MRPL34: variants seen among roughly 807,000 people sequenced by gnomAD.
MRPL34 encodes the protein large ribosomal subunit protein bL34m.
A neutral mutation model predicts 6.7 loss-of-function variants in MRPL34; 8 were observed. That is an observed-to-expected ratio of 1.20 (90% CI 0.70 to 2.16). The LOEUF (loss-of-function observed/expected upper bound fraction) is 2.16, where lower values mean the gene tolerates loss of function less well. MRPL34 is among the 30% of genes most tolerant of loss of function. The pLI is 0.00. For synonymous variants in MRPL34, 59 were observed against 55.1 expected (o/e 1.07, Z -0.31); for missense variants, 146 against 125.5 (o/e 1.16, Z -0.78).
chr19:17,305,567 C>A (rs545943004), upstream of MRPL34: 1,011 of 323,760 alleles, frequency 3.1e-3, 6 homozygotes, highest in Non-Finnish European at 4.7e-3. Context: ...CCGCGGGGCA[C>A]CCTCTGCCGG....
chr19:17,294,290 C>T (rs749002268), intron 1 of MRPL34: 1 of 1,601,658 alleles, frequency 6.2e-7, no homozygotes, highest in South Asian at 1.1e-5. Flanking sequence ...GCCTCTACCT[C>T]GGCCATGCGC....
intron 1 of MRPL34, chr19:17,294,143 A>G: frequency 2.1e-6 from 2 of 958,840 alleles, no homozygotes; most frequent in Non-Finnish European, 3.0e-6. Context: ...TACAGCAACT[A>G]GAGGCCACGC....
upstream of MRPL34, among the ~76,000 whole-genome samples, chr19:17,299,936 G>A (rs1449092074): frequency 1.4e-5 from 2 of 147,340 alleles, no homozygotes; most frequent in Non-Finnish European, 3.0e-5. Flanking sequence ...GTCTCCTTCT[G>A]TCGCCCAGGC....
upstream of MRPL34, chr19:17,301,182 A>ACCACTG (rs747389254): frequency 3.9e-5 from 63 of 1,605,632 alleles, no homozygotes; most frequent in East Asian, 3.8e-4. Flanking sequence ...GCCGCCGCCC[A>ACCACTG]CCACTGCCAC....
chr19:17,298,364 T>A (rs952122156), upstream of MRPL34: 7 of 152,138 alleles, frequency 4.6e-5, no homozygotes, highest in East Asian at 1.3e-3. Flanking sequence ...AAGCCTTCCA[T>A]GGAGGGGTTC....
chr19:17,305,755 A>C, upstream of MRPL34: 1 of 898,376 alleles, frequency 1.1e-6, no homozygotes, highest in Non-Finnish European at 1.8e-6. Context: ...GCAGAACTAC[A>C]ACTTCAGGGT....
chr19:17,302,831 G>T (rs1412139882), upstream of MRPL34: 1 of 152,200 alleles, frequency 6.6e-6, no homozygotes, highest in Non-Finnish European at 1.5e-5. Flanking sequence ...CATAACCTAA[G>T]GGGGGGATAC....
At chr19:17,296,750 A>C (rs1442796734) in intron 1 of MRPL34, 2 of 149,782 alleles carry the variant, frequency 1.3e-5, no homozygotes, top group East Asian at 3.9e-4. Flanking sequence ...GCTGGAGCAC[A>C]GTGGCGCGAT....
chr19:17,306,177 C>T lies in MRPL34; in HGVS notation c.77C>T (p.Pro26Leu). The T allele has an allele frequency of 1.3e-6, 2 of 1,530,782 alleles. No individual in the cohort carries two copies. The highest frequency in any genetic ancestry group is 1.2e-5 in the South Asian group (1 of 81,854). The allele number at this position is 1,530,782 out of a possible 1,614,324, so 94.8% of individuals were successfully genotyped here. The change falls in exon 2 of 2, where the codon CCC becomes CTC. Residue 26 changes from proline to leucine, a missense_variant. Transcript: ENST00000252602. ...CTCTACCCACGCAGGTGGCTCCAGC[C>T]CCGGGCCTGGCTGGGGTTCCCAGAC... ...AALLGGRWLQ[P>L]RAWLGFPDAW...
chr19:17,301,808 G>GTGTTTT (rs1491251074), upstream of MRPL34, among the ~76,000 whole-genome samples: 21 of 142,496 alleles, frequency 1.5e-4, no homozygotes, highest in African/African-American at 4.3e-4. Flanking sequence ...GTGTGTGTGT[G>GTGTTTT]TTTTTGAGAC....
chr19:17,301,406 C>A (rs766966995), upstream of MRPL34: 5 of 1,612,010 alleles, frequency 3.1e-6, no homozygotes, highest in South Asian at 5.5e-5. Flanking sequence ...CCGGAGAGGT[C>A]CCCCTGGGCT....
Position 17,305,930 on chromosome 19 carries a change from G to A in MRPL34, c.38G>A (p.Ser13Asn), listed in dbSNP as rs1181734727. The A allele has an allele frequency of 3.7e-6, 6 of 1,614,178 alleles. No homozygotes were observed. The highest frequency in any genetic ancestry group is 1.3e-5 in the African/African-American group (1 of 75,068). The change falls in exon 1 of 2, where the codon AGT becomes AAT. Residue 13 changes from serine (S) to asparagine (N), a missense_variant. Coordinates refer to ENST00000252602, the MANE Select transcript of MRPL34 (RefSeq NM_023937.4). ...VLAGSLLGPT[S>N]RSAALLGGRW... is the part of the protein sequence containing the mutation. ...GCTGGATCCCTGTTGGGCCCCACGA[G>A]TAGGTCGGCAGCGTTGCTGGGTGGC...
At chr19:17,302,351 C>T (rs35116124), upstream of MRPL34, 49,589 of 146,296 alleles carry the variant, frequency 0.34, 8,306 homozygotes, top group South Asian at 0.39. Flanking sequence ...ACTAACTCAT[C>T]CATTCAGGTA....
intron 1 of MRPL34, among the ~76,000 whole-genome samples, chr19:17,295,521 C>T (rs187521508): frequency 5.9e-5 from 9 of 152,276 alleles, no homozygotes; most frequent in African/African-American, 1.9e-4. Context: ...ATTCTCCTTC[C>T]TCAGCCTCCC....
At position 17,294,248 on chromosome 19, in the gene MRPL34, G is replaced by T. The variant is rs757156572; in HGVS notation, c.214+1394G>T. 3 of 1,583,522 alleles carry T rather than the reference G, an allele frequency of 1.9e-6. No homozygotes were observed. The South Asian group carries it at 3.3e-5, about 18-fold the overall frequency. On this transcript the variant is annotated intron_variant, in intron 1 of 2. Transcript: ENST00000595444. ...CCACGCCCCTCCCGGGCAGCACCCT[G>T]GGGATTTGTAGCTGTGGCGCCCCAG...
intron 1 of MRPL34, among the ~76,000 whole-genome samples, chr19:17,296,028 T>C (rs1300878283): frequency 1.3e-5 from 2 of 152,020 alleles, no homozygotes; most frequent in Non-Finnish European, 2.9e-5. Context: ...GGGGTTCATG[T>C]CCTCCCCCTA....
chr19:17,306,008 G>C (rs2074145473), intron 1 of MRPL34, 51 bp downstream of exon 1: 1 of 1,602,592 alleles, frequency 6.2e-7, no homozygotes, highest in African/African-American at 1.3e-5. Context: ...GGGCGGCTTC[G>C]GAGGCTGGCG....
At chr19:17,298,535 G>C (rs888766849), upstream of MRPL34, 5 of 152,038 alleles carry the variant, frequency 3.3e-5, no homozygotes, top group African/African-American at 1.2e-4. Flanking sequence ...CTAAGGCAGT[G>C]GTTCTCAGCT....
chr19:17,294,521 C>T lies in MRPL34; in HGVS notation c.214+1667C>T, dbSNP rs375406198. On this transcript the variant is annotated intron_variant, in intron 1 of 2. Coordinates refer to the MRPL34 transcript ENST00000595444. Reference sequence around the variant, plus strand: ...AAGCCGGCCCTGGTGGTGGTGGAGGCACCGCTAGAGCCCCTTATGCCAGCC... The same window carrying T: ...AAGCCGGCCCTGGTGGTGGTGGAGGTACCGCTAGAGCCCCTTATGCCAGCC... 128 of 1,613,474 alleles carry T rather than the reference C, an allele frequency of 7.9e-5. 1 individual carries two copies. In the African/African-American group the frequency reaches 1.1e-3, roughly 14 times the overall value.
Sources: allele counts gnomAD v4.1 joint callset (sites outside exome capture counted in the v4.1 genomes callset), GRCh38; gene constraint gnomAD v4.1.1; transcripts MANE v1.5; gene names NCBI Gene and HGNC (gene_info 2026-07-23, HGNC 2026-07-21).